Variants in HLCS observed in about 807,000 individuals in gnomAD.
HLCS encodes the protein biotin--protein ligase.
A neutral mutation model predicts 75.0 loss-of-function variants in HLCS; 53 were observed. That is an observed-to-expected ratio of 0.71 (90% CI 0.57 to 0.89). The LOEUF is 0.89. Among genes scored for constraint, HLCS ranks in the 40% least tolerant of loss-of-function variants. HLCS has a pLI of 0.00. For missense variants in HLCS, 966 were observed against 1,074.0 expected (o/e 0.90, Z 1.41); for synonymous variants, 431 against 428.6 (o/e 1.01, Z -0.07).
At chr21:36,979,958 C>T (rs1000971536) in intron 1 of HLCS, among the ~76,000 whole-genome samples, 5 of 131,086 alleles carry the variant, frequency 3.8e-5, no homozygotes, top group African/African-American at 1.4e-4. Flanking sequence ...CTGGGGAGGT[C>T]GAGGCTGCAG....
chr21:36,862,865 A>C (rs1452810445), intron 6 of HLCS, among the ~76,000 whole-genome samples: 1 of 152,116 alleles, frequency 6.6e-6, no homozygotes, highest in African/African-American at 2.4e-5. Context: ...GTGAGCCCCG[A>C]AGTCCCAAAG....
At chr21:36,960,440 C>T (rs1601889050) in intron 2 of HLCS, among the ~76,000 whole-genome samples, 4 of 152,260 alleles carry the variant, frequency 2.6e-5, no homozygotes, top group South Asian at 4.2e-4. Context: ...CAGGGCTAAA[C>T]GAAACATTAC....
At chr21:36,852,231 T>A (rs1331037242) in intron 6 of HLCS, among the ~76,000 whole-genome samples, 1 of 152,272 alleles carries the variant, frequency 6.6e-6, no homozygotes, top group Non-Finnish European at 1.5e-5. Flanking sequence ...TCTACTTTTT[T>A]CTAAGCGTCT....
chr21:36,758,579 C>T (rs1391645996), intron 9 of HLCS, among the ~76,000 whole-genome samples: 1 of 152,144 alleles, frequency 6.6e-6, no homozygotes, highest in Non-Finnish European at 1.5e-5. Context: ...GCCTGGCCTT[C>T]GCTTACCCCA....
intron 8 of HLCS, among the ~76,000 whole-genome samples, chr21:36,762,266 A>T (rs1449656472): frequency 6.6e-6 from 1 of 152,198 alleles, no homozygotes; most frequent in Non-Finnish European, 1.5e-5. Flanking sequence ...TGGAGGAAAG[A>T]GCTGGAAGTA....
intron 6 of HLCS, among the ~76,000 whole-genome samples, chr21:36,861,943 C>T (rs1356666478): frequency 1.3e-5 from 2 of 152,124 alleles, no homozygotes; most frequent in Non-Finnish European, 2.9e-5. Flanking sequence ...TCTCCTCCAC[C>T]CCCCTCAACC....
chr21:36,766,550 A>T (rs554426755), intron 7 of HLCS, among the ~76,000 whole-genome samples: 58 of 152,328 alleles, frequency 3.8e-4, no homozygotes, highest in Middle Eastern at 3.4e-3. Context: ...TTTGGTTCTT[A>T]TGAAAAAGTC....
intron 6 of HLCS, among the ~76,000 whole-genome samples, chr21:36,795,324 TC>T (rs2060995684): frequency 6.6e-6 from 1 of 152,160 alleles, no homozygotes; most frequent in African/African-American, 2.4e-5. Context: ...AGCATCTAGG[TC>T]CCACAGAGGG....
chr21:36,939,071 T>C, intron 2 of HLCS, 77 bp from the exon 3 acceptor site: 2 of 1,362,340 alleles, frequency 1.5e-6, no homozygotes, highest in South Asian at 1.3e-5. Context: ...CCACATACTT[T>C]ATTTTTCCCT....
At chr21:36,910,758 C>T (rs1259292227) in intron 5 of HLCS, among the ~76,000 whole-genome samples, 1 of 152,174 alleles carries the variant, frequency 6.6e-6, no homozygotes, top group East Asian at 1.9e-4. Context: ...TATGCGGCAG[C>T]TTCTGTCTAG....
intron 6 of HLCS, among the ~76,000 whole-genome samples, chr21:36,827,389 T>TTCC (rs2062040676): frequency 6.6e-6 from 1 of 151,562 alleles, no homozygotes; most frequent in Non-Finnish European, 1.5e-5. Flanking sequence ...GCCAACATGG[T>TTCC]GAAACCCCGT....
chr21:36,829,598 T>C (rs1286467377), intron 6 of HLCS, among the ~76,000 whole-genome samples: 2 of 152,234 alleles, frequency 1.3e-5, no homozygotes, highest in Non-Finnish European at 2.9e-5. Flanking sequence ...AATCCTAGTT[T>C]GTTAGGATTA....
chr21:36,871,108 C>T (rs895985777), intron 6 of HLCS, among the ~76,000 whole-genome samples: 4 of 152,274 alleles, frequency 2.6e-5, no homozygotes, highest in African/African-American at 9.6e-5. Flanking sequence ...TCGTATTCCG[C>T]ACACACTTGG....
At chr21:36,906,732 A>C (rs1226000924) in intron 5 of HLCS, among the ~76,000 whole-genome samples, 1 of 151,294 alleles carries the variant, frequency 6.6e-6, no homozygotes, top group Non-Finnish European at 1.5e-5. Context: ...ACTATTTTAA[A>C]TGGTCAAAAC....
intron 5 of HLCS, among the ~76,000 whole-genome samples, chr21:36,927,250 T>A (rs2066448822): frequency 6.6e-6 from 1 of 152,222 alleles, no homozygotes; most frequent in Non-Finnish European, 1.5e-5. Context: ...CCTCTTGGTA[T>A]CGTGCACAGT....
chr21:36,844,153 C>T (rs548420994), intron 6 of HLCS, among the ~76,000 whole-genome samples: 1 of 152,236 alleles, frequency 6.6e-6, no homozygotes, highest in South Asian at 2.1e-4. Context: ...ATGTTTAGGG[C>T]ACAGAAACTA....
chr21:36,947,749 A>G, intron 2 of HLCS: 2 of 985,486 alleles, frequency 2.0e-6, no homozygotes, highest in Non-Finnish European at 1.2e-6. Flanking sequence ...TCCGGGAGTG[A>G]AAGACCCCAG....
intron 10 of HLCS, 143 bp from the exon 11 acceptor site, chr21:36,754,560 C>T: frequency 3.7e-6 from 3 of 816,462 alleles, no homozygotes; most frequent in Non-Finnish European, 6.1e-6. Flanking sequence ...GCAGCCTGGG[C>T]TGAGCTCTGA....
At chr21:36,844,388 A>G (rs59140955) in intron 6 of HLCS, among the ~76,000 whole-genome samples, 4,797 of 152,292 alleles carry the variant, frequency 0.031, 105 homozygotes, top group African/African-American at 0.058. Context: ...GAGGGAGTAT[A>G]TGGGAACTCT....
Sources: allele counts gnomAD v4.1 joint callset (sites outside exome capture counted in the v4.1 genomes callset), GRCh38; gene constraint gnomAD v4.1.1; transcripts MANE v1.5; gene names NCBI Gene and HGNC (gene_info 2026-07-23, HGNC 2026-07-21).